Variants in LHFPL3 observed in about 807,000 individuals in gnomAD.
The protein encoded by LHFPL3 is LHFPL tetraspan subfamily member 3.
Under a neutral mutation model 19.3 loss-of-function variants are expected in LHFPL3, and 5 were observed. The observed-to-expected ratio is 0.26, with a 90% CI of 0.14 to 0.54. LHFPL3 has a LOEUF of 0.54. Among genes scored for constraint, LHFPL3 ranks in the 20% least tolerant of loss-of-function variants. The pLI is 0.94. For missense variants in LHFPL3, 249 were observed against 307.4 expected (o/e 0.81, Z 1.42); for synonymous variants, 133 against 126.2 (o/e 1.05, Z -0.36).
intron 1 of LHFPL3, among the ~76,000 whole-genome samples, chr7:104,724,732 C>T (rs896633368): frequency 6.6e-6 from 1 of 152,106 alleles, no homozygotes; most frequent in Non-Finnish European, 1.5e-5. Flanking sequence ...TGCAACAAAC[C>T]TCCACATGTA....
chr7:104,616,487 T>G (rs1472894532), intron 1 of LHFPL3, among the ~76,000 whole-genome samples: 1 of 151,946 alleles, frequency 6.6e-6, no homozygotes, highest in Non-Finnish European at 1.5e-5. Flanking sequence ...AAAAATTAAC[T>G]CAAGATGGAT....
intron 1 of LHFPL3, among the ~76,000 whole-genome samples, chr7:104,587,584 G>T (rs1321672190): frequency 6.6e-6 from 1 of 152,122 alleles, no homozygotes; most frequent in Admixed American, 6.5e-5. Flanking sequence ...AAACATACAT[G>T]TTCATGTGTC....
intron 1 of LHFPL3, among the ~76,000 whole-genome samples, chr7:104,370,195 A>G (rs1414953254): frequency 6.6e-6 from 1 of 152,162 alleles, no homozygotes; most frequent in Non-Finnish European, 1.5e-5. Flanking sequence ...TGGTCCCCTG[A>G]GGAGAGGCTG....
At chr7:104,553,867 G>C (rs930820851) in intron 1 of LHFPL3, among the ~76,000 whole-genome samples, 19 of 152,134 alleles carry the variant, frequency 1.2e-4, no homozygotes, top group African/African-American at 4.6e-4. Flanking sequence ...CTAGTGTCTG[G>C]CTAGACTAGA....
At chr7:104,365,787 C>CCAAAAAAG (rs1554381840) in intron 1 of LHFPL3, among the ~76,000 whole-genome samples, 1 of 49,974 alleles carries the variant, frequency 2.0e-5, no homozygotes, top group Non-Finnish European at 3.8e-5. Flanking sequence ...GACTCCGTCT[C>CCAAAAAAG]AAAAAAAAAA....
chr7:104,405,213 A>G (rs550057969), intron 1 of LHFPL3, among the ~76,000 whole-genome samples: 5 of 152,322 alleles, frequency 3.3e-5, no homozygotes, highest in Admixed American at 1.3e-4. Context: ...TAGCAAAACA[A>G]TTTCAGTACT....
intron 1 of LHFPL3, among the ~76,000 whole-genome samples, chr7:104,707,354 C>G (rs1793211143): frequency 1.3e-5 from 2 of 152,304 alleles, no homozygotes; most frequent in Middle Eastern, 3.4e-3. Context: ...ATCATTACCC[C>G]CAACCAGGCT....
chr7:104,668,725 C>A (rs376121074), intron 1 of LHFPL3: 66 of 1,585,152 alleles, frequency 4.2e-5, no homozygotes, highest in East Asian at 1.1e-4. Flanking sequence ...GGTCCCCCCC[C>A]CCCCAAAGAC....
intron 2 of LHFPL3, among the ~76,000 whole-genome samples, chr7:104,742,206 ATC>A (rs1213325420): frequency 2.6e-5 from 4 of 152,200 alleles, no homozygotes; most frequent in Admixed American, 2.0e-4. Flanking sequence ...TGCCACAAAT[ATC>A]TCTTTCCTTG....
intron 2 of LHFPL3, among the ~76,000 whole-genome samples, chr7:104,791,368 G>A (rs1790019884): frequency 6.6e-6 from 1 of 152,232 alleles, no homozygotes; most frequent in African/African-American, 2.4e-5. Flanking sequence ...ATGGAGTTAA[G>A]CATAGAGAAA....
chr7:104,706,208 C>A (rs747440918), intron 1 of LHFPL3, among the ~76,000 whole-genome samples: 1 of 152,148 alleles, frequency 6.6e-6, no homozygotes, highest in Non-Finnish European at 1.5e-5. Flanking sequence ...TCATCATCAT[C>A]TGACCACACC....
At chr7:104,644,811 G>C (rs551586389) in intron 1 of LHFPL3, among the ~76,000 whole-genome samples, 3 of 152,202 alleles carry the variant, frequency 2.0e-5, no homozygotes, top group African/African-American at 7.2e-5. Context: ...CCTGCTGAAC[G>C]TAAGTATCAC....
chr7:104,905,277 A>G (rs1241152264), intron 2 of LHFPL3, among the ~76,000 whole-genome samples: 1 of 152,142 alleles, frequency 6.6e-6, no homozygotes, highest in African/African-American at 2.4e-5. Flanking sequence ...TAAAATATAA[A>G]TAGATCTTTA....
Position 104,329,213 on chromosome 7 carries a change from A to AGCTCACCTCCGGTGAGTGCGC in LHFPL3, c.445+1_445+21dup, listed in dbSNP as rs767607295. 2 of 1,606,692 alleles carry AGCTCACCTCCGGTGAGTGCGC rather than the reference A, an allele frequency of 1.2e-6. No individual in the cohort carries two copies. The highest frequency in any genetic ancestry group is 1.7e-6 in the Non-Finnish European group (2 of 1,174,530). On this transcript the variant is annotated inframe_insertion, in exon 1 of 3. Coordinates refer to ENST00000424859, the MANE Select transcript of LHFPL3 (RefSeq NM_199000.3). ...GTGTACAAGATATGTGCCTGGATGC[A>AGCTCACCTCCGGTGAGTGCGC]GCTCACCTCCGGTGAGTGCGCGCTC...
chr7:104,717,628 T>C (rs1383165526), intron 1 of LHFPL3, among the ~76,000 whole-genome samples: 2 of 152,088 alleles, frequency 1.3e-5, no homozygotes, highest in African/African-American at 4.8e-5. Context: ...CTCATTAGGA[T>C]GACTACTATA....
rs376715520 is a variant in LHFPL3, at chr7:104,329,001, G to C, written c.222G>C (p.Gly74=). Residue 74 remains glycine, a synonymous_variant, in exon 1 of 3, where the codon GGG becomes GGC. Coordinates refer to ENST00000424859, the MANE Select transcript of LHFPL3 (RefSeq NM_199000.3). ...ACACCCCGCAAGCCGGCTATTTCGGGCTCTTCCACTACTGCATCGGCAACG... is the reference window on the plus strand; with the variant it reads ...ACACCCCGCAAGCCGGCTATTTCGGCCTCTTCCACTACTGCATCGGCAACG... The part of the protein sequence containing the change: ...GVDTPQAGYF[G]LFHYCIGNGF... 1.3e-4 allele frequency: 216 copies of C among 1,614,124 alleles called. 2 individuals are homozygous for C. The highest frequency in any genetic ancestry group is 1.1e-3 in the African/African-American group (83 of 75,056).
Position 104,614,653 on chromosome 7 carries a change from C to CTCCTTCCT in LHFPL3, c.446-121999_446-121992dup, listed in dbSNP as rs758321617. On this transcript the variant is annotated intron_variant, in intron 1 of 2. Coordinates refer to ENST00000424859, the MANE Select transcript of LHFPL3 (RefSeq NM_199000.3). ...CTTCTCTTCTCTTCTCTTCTCTTCT[C>CTCCTTCCT]TCCTTCCTTCCTTCCTTCCTTCCTT... Among the ~76,000 whole-genome samples the CTCCTTCCT allele has an allele frequency of 5.8e-4, 30 of 51,524 alleles. 1 individual carries two copies. Among genetic ancestry groups the CTCCTTCCT allele is most frequent in the East Asian group, 2.8e-3 (4 of 1,442 alleles). 33.8% of individuals were successfully genotyped at this position (51,524 alleles called of 152,430 possible).
chr7:104,391,139 G>A (rs1584287408), intron 1 of LHFPL3, among the ~76,000 whole-genome samples: 1 of 152,136 alleles, frequency 6.6e-6, no homozygotes, highest in African/African-American at 2.4e-5. Context: ...TAGTTTGCCT[G>A]TTCACTCTGA....
intron 1 of LHFPL3, among the ~76,000 whole-genome samples, chr7:104,428,206 C>T (rs1268003653): frequency 6.6e-6 from 1 of 152,152 alleles, no homozygotes; most frequent in Non-Finnish European, 1.5e-5. Flanking sequence ...TTAAAATCTA[C>T]ATATAACATC....
Sources: gnomAD v4.1 joint callset for allele counts (sites outside exome capture counted in the v4.1 genomes callset) on GRCh38, gnomAD v4.1.1 for gene constraint, MANE v1.5 for transcripts, NCBI Gene and HGNC (gene_info 2026-07-23, HGNC 2026-07-21) for gene names.